Variants in ATOSA observed in about 807,000 individuals in gnomAD.
The protein encoded by ATOSA is atos homolog protein A.
chr15:52,587,367 A>G, the ATOSA span: 1 of 638,842 alleles, frequency 1.6e-6, no homozygotes, highest in Admixed American at 3.2e-5. Context: ...GATACATTCT[A>G]TGTTTCTACC....
the ATOSA span, among the ~76,000 whole-genome samples, chr15:52,673,138 C>T: frequency 6.6e-6 from 1 of 152,180 alleles, no homozygotes; most frequent in Admixed American, 6.5e-5. Flanking sequence ...TAAGTGCCAG[C>T]CACTGTTTTA....
chr15:52,588,639 G>C, the ATOSA span, among the ~76,000 whole-genome samples: 1 of 152,108 alleles, frequency 6.6e-6, no homozygotes, highest in Admixed American at 6.5e-5. Context: ...GTTGGGGGCA[G>C]GGGCGGTGGT....
the ATOSA span, among the ~76,000 whole-genome samples, chr15:52,685,927 A>G: frequency 2.0e-5 from 3 of 152,094 alleles, no homozygotes; most frequent in Non-Finnish European, 4.4e-5. Context: ...AGTTCTCGCT[A>G]TGTTGTCCAG....
At chr15:52,630,094 C>T in the ATOSA span, among the ~76,000 whole-genome samples, 1 of 152,088 alleles carries the variant, frequency 6.6e-6, no homozygotes, top group Non-Finnish European at 1.5e-5. Flanking sequence ...AAGTTCTTTT[C>T]CCAGACTCCC....
chr15:52,706,699 T>A, the ATOSA span, among the ~76,000 whole-genome samples: 2 of 152,144 alleles, frequency 1.3e-5, no homozygotes, highest in Non-Finnish European at 2.9e-5. Context: ...TAGGAATTCA[T>A]AAGTCTATAC....
the ATOSA span, chr15:52,609,805 C>G: frequency 6.2e-7 from 1 of 1,613,014 alleles, no homozygotes; most frequent in African/African-American, 1.3e-5. Flanking sequence ...GATTTCTTGC[C>G]GCTCCTGAAT....
At chr15:52,660,319 G>A in the ATOSA span, among the ~76,000 whole-genome samples, 2 of 152,086 alleles carry the variant, frequency 1.3e-5, no homozygotes, top group Non-Finnish European at 2.9e-5. Context: ...AAGAAATGAG[G>A]GAAGCACAAA....
the ATOSA span, among the ~76,000 whole-genome samples, chr15:52,621,890 C>T: frequency 6.6e-6 from 1 of 151,404 alleles, no homozygotes; most frequent in South Asian, 2.1e-4. Context: ...TGTTCTATCG[C>T]TCAGGCTGCA....
the ATOSA span, among the ~76,000 whole-genome samples, chr15:52,621,525 A>G: frequency 6.6e-6 from 1 of 152,198 alleles, no homozygotes; most frequent in Non-Finnish European, 1.5e-5. Context: ...CCCACTTTGA[A>G]TTGTAATAAT....
chr15:52,663,593 G>C, the ATOSA span, among the ~76,000 whole-genome samples: 1 of 107,828 alleles, frequency 9.3e-6, no homozygotes, highest in Non-Finnish European at 2.4e-5. Context: ...TTGTTAAGAT[G>C]ACACATATTA....
the ATOSA span, among the ~76,000 whole-genome samples, chr15:52,617,885 T>TAA: frequency 6.6e-6 from 1 of 151,734 alleles, no homozygotes. Context: ...CAAATCCACA[T>TAA]AATTGTAACA....
chr15:52,659,250 A>C, the ATOSA span, among the ~76,000 whole-genome samples: 1 of 152,218 alleles, frequency 6.6e-6, no homozygotes. Flanking sequence ...CTTCTAGCAC[A>C]TATGTGCCAG....
chr15:52,674,660 AAATT>A, the ATOSA span, among the ~76,000 whole-genome samples: 1 of 152,152 alleles, frequency 6.6e-6, no homozygotes, highest in South Asian at 2.1e-4. Context: ...ATATATTAAA[AAATT>A]ATTAATCTGC....
chr15:52,642,370 A>C, the ATOSA span, among the ~76,000 whole-genome samples: 19 of 152,368 alleles, frequency 1.2e-4, no homozygotes, highest in South Asian at 3.1e-3. Context: ...GGGAAAAGTC[A>C]AACTCTGTGA....
chr15:52,699,174 G>A, the ATOSA span, among the ~76,000 whole-genome samples: 1 of 152,132 alleles, frequency 6.6e-6, no homozygotes, highest in Non-Finnish European at 1.5e-5. Context: ...CTAGCACCAT[G>A]ACAAGGTTAG....
At chr15:52,653,474 C>T in the ATOSA span, among the ~76,000 whole-genome samples, 3 of 152,058 alleles carry the variant, frequency 2.0e-5, no homozygotes, top group African/African-American at 4.8e-5. Context: ...AGCTGCTAAG[C>T]CCCCTGAGAA....
At chr15:52,674,864 T>A in the ATOSA span, among the ~76,000 whole-genome samples, 1 of 150,976 alleles carries the variant, frequency 6.6e-6, no homozygotes, top group Non-Finnish European at 1.5e-5. Context: ...ATATATAAGC[T>A]TATATAACCA....
At chr15:52,607,346 TCTGA>T in the ATOSA span, among the ~76,000 whole-genome samples, 1 of 152,226 alleles carries the variant, frequency 6.6e-6, no homozygotes, top group Non-Finnish European at 1.5e-5. Context: ...AAATTTGATT[TCTGA>T]CTGTTTTTGC....
the ATOSA span, chr15:52,608,615 T>C: frequency 6.2e-7 from 1 of 1,606,992 alleles, no homozygotes. Flanking sequence ...AAACAGTCTT[T>C]TATACTTCTT....
Sources: allele counts gnomAD v4.1 joint callset (sites outside exome capture counted in the v4.1 genomes callset), GRCh38; gene constraint gnomAD v4.1.1; transcripts MANE v1.5; gene names NCBI Gene and HGNC (gene_info 2026-07-23, HGNC 2026-07-21).